Variants in GNAQ observed in about 807,000 individuals in gnomAD.
GNAQ encodes the protein guanine nucleotide-binding protein G(q) subunit alpha.
Under a neutral mutation model 43.9 loss-of-function variants are expected in GNAQ, and 8 were observed. The ratio of observed to expected loss-of-function variants is 0.18; its 90% CI spans 0.11 to 0.33. The LOEUF (loss-of-function observed/expected upper bound fraction) is 0.33. Ranked by LOEUF, GNAQ falls within the 10% of genes least tolerant of loss-of-function variation. GNAQ has a pLI of 1.00. For synonymous variants in GNAQ, 155 were observed against 170.7 expected (o/e 0.91, Z 0.71); for missense variants, 158 against 450.8 (o/e 0.35, Z 5.88).
chr9:77,833,728 T>C (rs549187875), intron 2 of GNAQ, among the ~76,000 whole-genome samples: 4 of 152,322 alleles, frequency 2.6e-5, no homozygotes, highest in African/African-American at 9.6e-5. Flanking sequence ...ACTTCCTCTC[T>C]AGGAAATTAG....
At chr9:77,964,585 G>A (rs1823144001) in intron 1 of GNAQ, among the ~76,000 whole-genome samples, 2 of 151,992 alleles carry the variant, frequency 1.3e-5, no homozygotes, top group Admixed American at 6.6e-5. Context: ...TATAAAATAT[G>A]GTCTCAGACT....
chr9:77,830,797 G>T (rs1256613262), intron 2 of GNAQ, among the ~76,000 whole-genome samples: 1 of 151,834 alleles, frequency 6.6e-6, no homozygotes, highest in African/African-American at 2.4e-5. Context: ...TTTCCATTGT[G>T]GTATGATTTT....
At chr9:77,893,481 C>G (rs1180853447) in intron 2 of GNAQ, among the ~76,000 whole-genome samples, 2 of 152,206 alleles carry the variant, frequency 1.3e-5, no homozygotes, top group South Asian at 4.1e-4. Context: ...ATAATCTACC[C>G]CTTGTTTAGC....
chr9:77,883,021 T>C (rs1222771188), intron 2 of GNAQ, among the ~76,000 whole-genome samples: 2 of 152,168 alleles, frequency 1.3e-5, no homozygotes, highest in Admixed American at 6.5e-5. Flanking sequence ...AAAATCAAAA[T>C]GCAAACACTT....
At chr9:77,879,148 G>GA (rs1828172823) in intron 2 of GNAQ, among the ~76,000 whole-genome samples, 1 of 152,012 alleles carries the variant, frequency 6.6e-6, no homozygotes, top group Non-Finnish European at 1.5e-5. Flanking sequence ...CTGAAAAATA[G>GA]AAAAAAATAC....
At chr9:77,894,581 C>T (rs1267441335) in intron 2 of GNAQ, among the ~76,000 whole-genome samples, 1 of 150,446 alleles carries the variant, frequency 6.6e-6, no homozygotes, top group Non-Finnish European at 1.5e-5. Context: ...CGTCACCATG[C>T]CCAGCTAATT....
intron 2 of GNAQ, among the ~76,000 whole-genome samples, chr9:77,846,104 C>G (rs1320996534): frequency 6.6e-6 from 1 of 152,188 alleles, no homozygotes; most frequent in Non-Finnish European, 1.5e-5. Flanking sequence ...AAACACAGTT[C>G]ACAAACGTGC....
chr9:77,736,543 G>A (rs532275705), intron 5 of GNAQ, among the ~76,000 whole-genome samples: 1 of 152,302 alleles, frequency 6.6e-6, no homozygotes, highest in Admixed American at 6.5e-5. Flanking sequence ...TATTCTACCT[G>A]CATAGGATGT....
At chr9:78,012,939 A>G (rs1281068035) in intron 1 of GNAQ, among the ~76,000 whole-genome samples, 2 of 152,254 alleles carry the variant, frequency 1.3e-5, no homozygotes, top group Non-Finnish European at 2.9e-5. Context: ...TCAAAACATT[A>G]AAGATCACAT....
intron 5 of GNAQ, among the ~76,000 whole-genome samples, chr9:77,730,609 A>AGAT (rs1293890749): frequency 1.3e-5 from 2 of 152,244 alleles, no homozygotes; most frequent in Non-Finnish European, 2.9e-5. Context: ...ACAATTGCAT[A>AGAT]GATAATTAAA....
At chr9:77,771,023 G>A (rs888347267) in intron 5 of GNAQ, among the ~76,000 whole-genome samples, 2 of 152,066 alleles carry the variant, frequency 1.3e-5, no homozygotes, top group African/African-American at 4.8e-5. Flanking sequence ...TTTTTAGTAA[G>A]TCGGTTTTTG....
intron 1 of GNAQ, among the ~76,000 whole-genome samples, chr9:77,975,966 C>T (rs1205582860): frequency 1.3e-5 from 2 of 152,122 alleles, no homozygotes; most frequent in East Asian, 1.9e-4. Context: ...ATCCTGGCAT[C>T]GGGAAGAGCC....
At chr9:78,015,161 T>C (rs1029427044) in intron 1 of GNAQ, among the ~76,000 whole-genome samples, 1 of 152,238 alleles carries the variant, frequency 6.6e-6, no homozygotes, top group African/African-American at 2.4e-5. Flanking sequence ...TGTTAAGATA[T>C]GTTTGGATAC....
chr9:77,983,208 CT>C lies in GNAQ; in HGVS notation c.136+47891del, dbSNP rs535656047. 2.7e-4 allele frequency among the ~76,000 whole-genome samples: 41 copies of C among 152,304 alleles called. 1 individual carries two copies. In the East Asian group the frequency reaches 7.7e-3, roughly 29 times the overall value. On this transcript the variant is annotated intron_variant, in intron 1 of 6. Transcript: ENST00000286548. ...AGCTAGTTCTATGCAACAGTATGAA[CT>C]CGTGCATGGTGATAACATTTACATA...
chr9:77,716,691 A>G lies in GNAQ; in HGVS notation c.*4632T>C, dbSNP rs966250271. On this transcript the variant is annotated 3_prime_UTR_variant, in exon 7 of 7. Coordinates refer to ENST00000286548, the MANE Select transcript of GNAQ (RefSeq NM_002072.5). ...TTTTCTGTCTACCAAAAGCTTATATAAAAGTCAGAATTTCTTTATCCAAGA... is the reference window on the plus strand; with the variant it reads ...TTTTCTGTCTACCAAAAGCTTATATGAAAGTCAGAATTTCTTTATCCAAGA... 10 of 232,860 alleles carry G rather than the reference A, an allele frequency of 4.3e-5. No homozygotes were observed. Among genetic ancestry groups the G allele is most frequent in the Middle Eastern group, 1.2e-3 (1 of 804 alleles). The allele number at this position is 232,860 out of a possible 1,614,324, so 14.4% of individuals were successfully genotyped here.
chr9:77,997,736 A>G (rs1823587359), intron 1 of GNAQ, among the ~76,000 whole-genome samples: 1 of 152,200 alleles, frequency 6.6e-6, no homozygotes, highest in Admixed American at 6.5e-5. Context: ...CTGGAGGCCC[A>G]GATTCACAGT....
intron 5 of GNAQ, among the ~76,000 whole-genome samples, chr9:77,783,571 G>A (rs1312204062): frequency 1.3e-5 from 2 of 152,084 alleles, no homozygotes; most frequent in East Asian, 3.9e-4. Flanking sequence ...CTGCCTGCCT[G>A]TGCGGGCTCC....
chr9:77,789,573 T>G (rs1172835391), intron 5 of GNAQ, among the ~76,000 whole-genome samples: 2 of 152,208 alleles, frequency 1.3e-5, no homozygotes, highest in African/African-American at 4.8e-5. Context: ...ACCTTAGCCT[T>G]GGTAGAAAAT....
chr9:78,016,681 CAA>C (rs199896051), intron 1 of GNAQ, among the ~76,000 whole-genome samples: 6 of 115,642 alleles, frequency 5.2e-5, no homozygotes, highest in African/African-American at 6.6e-5. Flanking sequence ...GACTCTGTCT[CAA>C]AAAAAAAAAA....
Sources: gnomAD v4.1 joint callset for allele counts (sites outside exome capture counted in the v4.1 genomes callset) on GRCh38, gnomAD v4.1.1 for gene constraint, MANE v1.5 for transcripts, NCBI Gene and HGNC (gene_info 2026-07-23, HGNC 2026-07-21) for gene names.